LRP6: variants seen among roughly 807,000 people sequenced by gnomAD.
The protein encoded by LRP6 is LDL receptor related protein 6.
A neutral mutation model predicts 184.1 loss-of-function variants in LRP6; 43 were observed. The ratio of observed to expected loss-of-function variants is 0.23; its 90% confidence interval spans 0.18 to 0.30. The LOEUF is 0.30. LRP6 is among the 10% of genes least tolerant of loss of function. The pLI is 1.00. For missense variants in LRP6, 1,571 were observed against 2,005.3 expected, an observed-to-expected ratio of 0.78 and a Z score of 4.14; for synonymous variants, 719 against 684.9, an observed-to-expected ratio of 1.05 and a Z score of -0.78.
intron 2 of LRP6, among the ~76,000 whole-genome samples, chr12:12,235,012 TG>T (rs1310038458): frequency 1.3e-5 from 2 of 151,996 alleles, no homozygotes; most frequent in Admixed American, 1.3e-4. Context: ...GGGTAGGAGA[TG>T]GGACTAGGAT....
intron 2 of LRP6, among the ~76,000 whole-genome samples, chr12:12,243,363 T>G (rs151049700): frequency 1.4e-4 from 21 of 152,348 alleles, no homozygotes; most frequent in Non-Finnish European, 2.4e-4. Context: ...TTTTTATTTT[T>G]CATTCAATAC....
intron 2 of LRP6, among the ~76,000 whole-genome samples, chr12:12,220,571 C>T (rs1342056103): frequency 6.6e-6 from 1 of 150,802 alleles, no homozygotes; most frequent in East Asian, 2.0e-4. Flanking sequence ...TTATTTAAGA[C>T]TATGAACACT....
intron 2 of LRP6, among the ~76,000 whole-genome samples, chr12:12,234,264 G>T (rs568121963): frequency 1.3e-5 from 2 of 151,630 alleles, no homozygotes; most frequent in Non-Finnish European, 2.9e-5. Context: ...TTTAGCGTGG[G>T]CAACAAGAGC....
At chr12:12,150,773 G>T (rs1950070645) in intron 13 of LRP6, 63 bp downstream of exon 13, 1 of 1,544,252 alleles carries the variant, frequency 6.5e-7, no homozygotes, top group Non-Finnish European at 8.9e-7. Context: ...AAGTGAAACA[G>T]AGTGGTTGGT....
At chr12:12,261,478 T>A (rs1289421616) in intron 1 of LRP6, among the ~76,000 whole-genome samples, 1 of 151,616 alleles carries the variant, frequency 6.6e-6, no homozygotes, top group East Asian at 1.9e-4. Context: ...AACCTTAAAA[T>A]TTAATAACCA....
At chr12:12,158,335 T>C (rs1862650448) in intron 12 of LRP6, among the ~76,000 whole-genome samples, 3 of 151,834 alleles carry the variant, frequency 2.0e-5, no homozygotes. Context: ...AATTTTTCCT[T>C]TTTTTTTGAA....
At chr12:12,130,405 C>T (rs1164424133) in intron 19 of LRP6, among the ~76,000 whole-genome samples, 1 of 151,978 alleles carries the variant, frequency 6.6e-6, no homozygotes, top group African/African-American at 2.4e-5. Context: ...AGGCTGGTCT[C>T]GAACTCCTGA....
intron 1 of LRP6, among the ~76,000 whole-genome samples, chr12:12,258,819 C>T (rs1466029849): frequency 1.3e-5 from 2 of 152,224 alleles, no homozygotes; most frequent in African/African-American, 4.8e-5. Flanking sequence ...GAGGAAGACT[C>T]CTATCCCTTG....
At chr12:12,141,582 A>T (rs1949934659) in intron 15 of LRP6, among the ~76,000 whole-genome samples, 1 of 152,192 alleles carries the variant, frequency 6.6e-6, no homozygotes, top group African/African-American at 2.4e-5. Flanking sequence ...TCCAGGAAAT[A>T]GCAGGTTCAG....
At chr12:12,164,599 C>T in intron 8 of LRP6, 37 bp from the exon 9 acceptor site, 1 of 1,591,056 alleles carries the variant, frequency 6.3e-7, no homozygotes, top group South Asian at 1.1e-5. Flanking sequence ...CAGAAGGACA[C>T]ACACATTGAT....
At chr12:12,189,056 A>G (rs1863549490) in intron 3 of LRP6, among the ~76,000 whole-genome samples, 1 of 152,246 alleles carries the variant, frequency 6.6e-6, no homozygotes, top group Admixed American at 6.5e-5. Flanking sequence ...TATATCATTA[A>G]GTGAAAAGTT....
chr12:12,180,347 G>A (rs1364059569), intron 6 of LRP6, among the ~76,000 whole-genome samples: 1 of 149,144 alleles, frequency 6.7e-6, no homozygotes, highest in Non-Finnish European at 1.5e-5. Flanking sequence ...GCTTATCCCA[G>A]CAGTATTAGT....
At chr12:12,255,268 A>G (rs942132923) in intron 1 of LRP6, among the ~76,000 whole-genome samples, 1 of 151,780 alleles carries the variant, frequency 6.6e-6, no homozygotes, top group African/African-American at 2.4e-5. Flanking sequence ...TAGATGCACA[A>G]CTTCTTCCCT....
At chr12:12,266,439 G>A (rs1865764753) in intron 1 of LRP6, among the ~76,000 whole-genome samples, 1 of 152,124 alleles carries the variant, frequency 6.6e-6, no homozygotes, top group African/African-American at 2.4e-5. Context: ...ACCAGCAGCC[G>A]GGATCGAAGC....
chr12:12,221,830 T>C (rs2135871836), intron 2 of LRP6, among the ~76,000 whole-genome samples: 1 of 152,324 alleles, frequency 6.6e-6, no homozygotes, highest in East Asian at 1.9e-4. Context: ...GTGTGGAGGT[T>C]ACCACATAGT....
At chr12:12,228,040 G>A (rs189376117) in intron 2 of LRP6, among the ~76,000 whole-genome samples, 3 of 152,230 alleles carry the variant, frequency 2.0e-5, no homozygotes, top group East Asian at 3.9e-4. Flanking sequence ...ACATTTCCCC[G>A]AGAGTAGCTA....
chr12:12,119,988 AAAATATATATATATAT>A lies in LRP6; in HGVS notation c.*1122_*1137del, dbSNP rs1195248737. 2.1e-5 allele frequency: 2 copies of A among 97,044 alleles called. No homozygotes were observed. The highest frequency in any genetic ancestry group is 6.0e-4 in the East Asian group (2 of 3,360). 6.0% of individuals were successfully genotyped at this position (97,044 alleles called of 1,614,324 possible). Reference sequence around the variant, plus strand: ...TTACTCAGAAAACAAACAAACAAACAAAATATATATATATATATATATATATATATATATATATATA... The same window carrying A: ...TTACTCAGAAAACAAACAAACAAACAATATATATATATATATATATATATA... On this transcript the variant is annotated 3_prime_UTR_variant, in exon 23 of 23. Coordinates refer to ENST00000261349, the MANE Select transcript of LRP6 (RefSeq NM_002336.3).
intron 20 of LRP6, among the ~76,000 whole-genome samples, chr12:12,125,877 G>A (rs1269963503): frequency 1.3e-5 from 2 of 152,118 alleles, no homozygotes; most frequent in East Asian, 1.9e-4. Flanking sequence ...AATGTTGCTA[G>A]AATCAAAACT....
At chr12:12,160,414 C>T (rs917003863) in intron 10 of LRP6, among the ~76,000 whole-genome samples, 1 of 152,160 alleles carries the variant, frequency 6.6e-6, no homozygotes, top group Non-Finnish European at 1.5e-5. Flanking sequence ...GTAATCAACT[C>T]TTCCTCAAAA....
Sources: gnomAD v4.1 joint callset for allele counts (sites outside exome capture counted in the v4.1 genomes callset) on GRCh38, gnomAD v4.1.1 for gene constraint, MANE v1.5 for transcripts, NCBI Gene and HGNC (gene_info 2026-07-23, HGNC 2026-07-21) for gene names.